Variants in LRRTM1 observed in about 807,000 individuals in gnomAD.
LRRTM1 encodes leucine-rich repeat transmembrane neuronal protein 1.
LRRTM1 carries 8 observed loss-of-function variants against 37.3 expected under a neutral mutation model. The observed-to-expected ratio is 0.21, with a 90% CI of 0.13 to 0.39. The LOEUF (loss-of-function observed/expected upper bound fraction) is 0.39, where lower values mean the gene tolerates loss of function less well. Among genes scored for constraint, LRRTM1 ranks in the 10% least tolerant of loss-of-function variants. The pLI, the probability that LRRTM1 is intolerant of heterozygous loss-of-function variation, is 1.00. For missense variants in LRRTM1, 557 were observed against 691.0 expected (o/e 0.81, Z 2.17); for synonymous variants, 326 against 316.8 (o/e 1.03, Z -0.31).
intron 2 of LRRTM1, among the ~76,000 whole-genome samples, chr2:80,295,637 T>A (rs1466879333): frequency 6.6e-6 from 1 of 152,220 alleles, no homozygotes; most frequent in Non-Finnish European, 1.5e-5. Flanking sequence ...GGAAAGGTTC[T>A]TAGGGAATAC....
chr2:80,291,149 T>C (rs1402349707), intron 2 of LRRTM1, among the ~76,000 whole-genome samples: 3 of 152,208 alleles, frequency 2.0e-5, no homozygotes, highest in Non-Finnish European at 4.4e-5. Context: ...CCAAAGATAG[T>C]TTTTCCTCGT....
chr2:80,303,240 A>G lies in LRRTM1; in HGVS notation c.580T>C (p.Tyr194His), dbSNP rs375015501. Residue 194 changes from tyrosine (Y) to histidine (H), a missense_variant, in exon 2 of 2, where the codon TAC becomes CAC. Physicochemically the swap from Tyr to His is moderately conservative, Grantham distance 83. Coordinates refer to ENST00000295057, the MANE Select transcript of LRRTM1 (RefSeq NM_178839.5). The surrounding 1 kb of genome is among the most constrained non-coding windows in gnomAD (Gnocchi z 7.7). ...CGCGCCAGACTCTTGAGCTGATTGT[A>G]TCCGATGTCGAGAAACTTGAGGCTG... is the stretch of plus-strand genomic sequence containing the variant. ...CRSLKFLDIG[Y>H]NQLKSLARNS... 2.5e-6 allele frequency: 4 copies of G among 1,613,830 alleles called. No individual in the cohort carries two copies. Among genetic ancestry groups the G allele is most frequent in the South Asian group, 1.1e-5 (1 of 91,086 alleles).
chr2:80,303,663 C>G lies in LRRTM1; in HGVS notation c.157G>C (p.Glu53Gln). The G allele has an allele frequency of 6.2e-7, 1 of 1,612,292 alleles. No individual in the cohort carries two copies. The highest frequency in any genetic ancestry group is 8.5e-7 in the Non-Finnish European group (1 of 1,179,020). Residue 53 changes from glutamate to glutamine, a missense_variant, in exon 2 of 2, where the codon GAG (glutamate) becomes CAG (glutamine). By Grantham distance (29) the Glu-to-Gln change is conservative. Coordinates refer to ENST00000295057, the MANE Select transcript of LRRTM1 (RefSeq NM_178839.5). This position sits in a 1 kb window ranked among gnomAD's most constrained non-coding sequence, Gnocchi z 7.7. ...GGCGCCTCGGTGAGGTTGAGCGCCT[C>G]GCAGTACAGCAGCCGCCCCTCGCAC... ...CRCEGRLLYC[E>Q]ALNLTEAPHN...
rs765245415 is a variant in LRRTM1, at chr2:80,303,095, C to T, written c.725G>A (p.Arg242Lys). The T allele has an allele frequency of 4.3e-6, 7 of 1,614,056 alleles. No individual in the cohort carries two copies. The South Asian group carries it at 6.6e-5, about 15-fold the overall frequency. ...LISLHSLCLR[R>K]NKVAIVVSSL... ...GCTGACCACAATGGCCACCTTGTTCCTCCGCAGGCAGAGCGAGTGCAGGGA... is the reference window on the plus strand; with the variant it reads ...GCTGACCACAATGGCCACCTTGTTCTTCCGCAGGCAGAGCGAGTGCAGGGA... Residue 242 changes from arginine to lysine, a missense_variant, in exon 2 of 2, where the codon AGG becomes AAG. This residue lies in a region of LRRTM1 where 200 missense variants were observed against 249.9 expected (regional missense o/e 0.80). Transcript: ENST00000295057. The surrounding 1 kb of genome is among the most constrained non-coding windows in gnomAD (Gnocchi z 7.7).
chr2:80,300,167 C>T (rs913068022), downstream of LRRTM1, among the ~76,000 whole-genome samples: 1 of 152,038 alleles, frequency 6.6e-6, no homozygotes, highest in East Asian at 1.9e-4. Flanking sequence ...TCTTCTAGAA[C>T]ACTAATAGTC....
intron 2 of LRRTM1, among the ~76,000 whole-genome samples, chr2:80,290,130 T>C (rs974699184): frequency 6.6e-6 from 1 of 152,174 alleles, no homozygotes; most frequent in African/African-American, 2.4e-5. Context: ...AGGATTGTTT[T>C]CTGAATTTTA....
chr2:80,302,589 C>A lies in LRRTM1; in HGVS notation c.1231G>T (p.Val411Leu). The change falls in exon 2 of 2, where the codon GTG (valine) becomes TTG (leucine). Residue 411 changes from valine to leucine, a missense_variant. Val to Leu is a conservative substitution (Grantham distance 32, BLOSUM62 1). Coordinates refer to ENST00000295057, the MANE Select transcript of LRRTM1 (RefSeq NM_178839.5). The surrounding 1 kb of genome is among the most constrained non-coding windows in gnomAD (Gnocchi z 6.4). ...QHDGTFEPAT[V>L]ALPGGEHAEN... ...GCGTGCTCGCCGCCTGGAAGAGCCA[C>A]GGTGGCAGGCTCGAATGTGCCGTCG... 6.2e-7 allele frequency: 1 copy of A among 1,606,888 alleles called. No homozygotes were observed. The highest frequency in any genetic ancestry group is 8.5e-7 in the Non-Finnish European group (1 of 1,178,980).
At chr2:80,293,544 T>C (rs540769659) in intron 2 of LRRTM1, among the ~76,000 whole-genome samples, 47 of 152,304 alleles carry the variant, frequency 3.1e-4, no homozygotes, top group African/African-American at 1.1e-3. Flanking sequence ...CATTCACTTG[T>C]GTTGTTTCAT....
At chr2:80,299,187 A>G (rs1199278624), downstream of LRRTM1, 1 of 152,184 alleles carries the variant, frequency 6.6e-6, no homozygotes, top group Non-Finnish European at 1.5e-5. Context: ...GAAGAATAAA[A>G]AAAAGGTGCT....
chr2:80,292,690 C>T (rs139803654), intron 2 of LRRTM1, among the ~76,000 whole-genome samples: 39 of 152,328 alleles, frequency 2.6e-4, no homozygotes, highest in African/African-American at 8.9e-4. Flanking sequence ...TTGAGAATGC[C>T]TCACCTTCGC....
At chr2:80,296,946 G>A (rs1247653429), downstream of LRRTM1, among the ~76,000 whole-genome samples, 1 of 152,172 alleles carries the variant, frequency 6.6e-6, no homozygotes. Flanking sequence ...CACTAAGGAA[G>A]AAATGCAGAT....
At chr2:80,289,785 G>A (rs1675079125) in intron 2 of LRRTM1, among the ~76,000 whole-genome samples, 1 of 152,166 alleles carries the variant, frequency 6.6e-6, no homozygotes, top group South Asian at 2.1e-4. Context: ...GTGTTATACG[G>A]TAGGGAAAAA....
At chr2:80,297,450 G>A (rs541106544), downstream of LRRTM1, among the ~76,000 whole-genome samples, 14 of 152,224 alleles carry the variant, frequency 9.2e-5, no homozygotes, top group Admixed American at 5.9e-4. Context: ...CCATACCAGC[G>A]ACTGCTCAGT....
intron 2 of LRRTM1, among the ~76,000 whole-genome samples, chr2:80,294,659 A>T (rs1057306352): frequency 2.6e-5 from 4 of 152,004 alleles, no homozygotes; most frequent in Middle Eastern, 3.4e-3. Context: ...ATAATAATAA[A>T]AATAATTCTC....
downstream of LRRTM1, chr2:80,299,302 G>T (rs1396063534): frequency 6.6e-6 from 1 of 152,132 alleles, no homozygotes; most frequent in Non-Finnish European, 1.5e-5. Flanking sequence ...AGAAAGAAAA[G>T]ATTTCAAGTG....
Position 80,302,854 on chromosome 2 carries a change from C to A in LRRTM1, c.966G>T (p.Val322=). 1 of 1,614,152 alleles carries A rather than the reference C, an allele frequency of 6.2e-7. No homozygotes were observed. The highest frequency in any genetic ancestry group is 2.2e-5 in the East Asian group (1 of 44,876). Residue 322 remains valine (V), a synonymous_variant, in exon 2 of 2, where the codon GTG becomes GTT. Transcript: ENST00000295057. This position sits in a 1 kb window ranked among gnomAD's most constrained non-coding sequence, Gnocchi z 6.4. ...AGNLWDCGRN[V]CALASWLNNF... ...TGTTGAGCCACGAGGCTAGGGCACA[C>A]ACGTTGCGCCCGCAATCCCACAGGT...
Position 80,302,463 on chromosome 2 carries a change from A to AAC in LRRTM1, c.1355_1356dup (p.Phe453ValfsTer51). Reference sequence around the variant, plus strand: ...CTGAGCTGCCTGAGGCTGGCTGGGAAACACTTCCAGGACACGTAGAGCACC... The same window carrying AAC: ...CTGAGCTGCCTGAGGCTGGCTGGGAAACACACTTCCAGGACACGTAGAGCACC... On this transcript the variant is annotated frameshift_variant, in exon 2 of 2. Coordinates refer to ENST00000295057, the MANE Select transcript of LRRTM1 (RefSeq NM_178839.5). LOFTEE classifies it high-confidence loss of function. The surrounding 1 kb of genome is among the most constrained non-coding windows in gnomAD (Gnocchi z 6.4). 1 of 1,614,160 alleles carries AAC rather than the reference A, an allele frequency of 6.2e-7. No homozygotes were observed.
chr2:80,303,495 A>G lies in LRRTM1; in HGVS notation c.325T>C (p.Phe109Leu). 1 of 1,614,210 alleles carries G rather than the reference A, an allele frequency of 6.2e-7. No individual in the cohort carries two copies. The highest frequency in any genetic ancestry group is 8.5e-7 in the Non-Finnish European group (1 of 1,180,042). ...TCCTTAACTCGGCGCAGTTTCTGAAAGGCGTCCCCCTGCACGGAGCAGATG... is the reference window on the plus strand; with the variant it reads ...TCCTTAACTCGGCGCAGTTTCTGAAGGGCGTCCCCCTGCACGGAGCAGATG... ...NHICSVQGDAFQKLRRVKELT... is the reference protein window; with the variant it reads ...NHICSVQGDALQKLRRVKELT... The change falls in exon 2 of 2, where the codon TTT (phenylalanine) becomes CTT (leucine). Residue 109 changes from phenylalanine (F) to leucine (L), a missense_variant. Physicochemically the swap from Phe to Leu is conservative, Grantham distance 22 (BLOSUM62 0). Coordinates refer to ENST00000295057, the MANE Select transcript of LRRTM1 (RefSeq NM_178839.5). The surrounding 1 kb of genome is among the most constrained non-coding windows in gnomAD (Gnocchi z 7.7).
chr2:80,303,385 C>T lies in LRRTM1; in HGVS notation c.435G>A (p.Ser145=), dbSNP rs761682948. 7 of 1,614,152 alleles carry T rather than the reference C, an allele frequency of 4.3e-6. No individual in the cohort carries two copies. Among genetic ancestry groups the T allele is most frequent in the Admixed American group, 3.3e-5 (2 of 60,024 alleles). ...GCGCGAGCGCCTGCAGCTTGTTGTA[C>T]GAGAGGTCCACGCTGCGCAGGTTGG... The part of the protein sequence containing the change: ...PMPNLRSVDL[S]YNKLQALAPD... Residue 145 remains serine (S), a synonymous_variant, in exon 2 of 2, where the codon TCG becomes TCA. Coordinates refer to ENST00000295057, the MANE Select transcript of LRRTM1 (RefSeq NM_178839.5). This position sits in a 1 kb window ranked among gnomAD's most constrained non-coding sequence, Gnocchi z 7.7.
Sources: allele counts gnomAD v4.1 joint callset (sites outside exome capture counted in the v4.1 genomes callset), GRCh38; gene constraint gnomAD v4.1.1; regional missense constraint gnomAD v4.1.1; non-coding constraint Gnocchi (gnomAD v3.1); transcripts MANE v1.5; gene names NCBI Gene and HGNC (gene_info 2026-07-23, HGNC 2026-07-21).